The following PHF24 variants were observed in gnomAD, a reference collection of about 807,000 sequenced individuals.
PHF24 encodes PHD finger protein 24, also known as Galpha inhibitory interacting protein.
A neutral mutation model predicts 42.6 loss-of-function variants in PHF24; 25 were observed. The ratio of observed to expected loss-of-function variants is 0.59; its 90% CI spans 0.43 to 0.82. The LOEUF (loss-of-function observed/expected upper bound fraction) is 0.82, where lower values mean the gene tolerates loss of function less well. Ranked by LOEUF, PHF24 falls within the 40% of genes least tolerant of loss-of-function variation. The pLI, the probability that PHF24 is intolerant of heterozygous loss-of-function variation, is 0.00. For synonymous variants in PHF24, 185 were observed against 204.8 expected (o/e 0.90, Z 0.83); for missense variants, 470 against 538.1 (o/e 0.87, Z 1.25).
At chr9:34,743,727 C>G in the PHF24 span, among the ~76,000 whole-genome samples, 1 of 152,278 alleles carries the variant, frequency 6.6e-6, no homozygotes, top group East Asian at 1.9e-4. Context: ...CCATTTTCTC[C>G]TTTTGGAGAT....
At chr9:34,751,768 A>G in the PHF24 span, among the ~76,000 whole-genome samples, 2 of 152,228 alleles carry the variant, frequency 1.3e-5, no homozygotes, top group African/African-American at 2.4e-5. Context: ...TCCTCAGCAC[A>G]TGGATCATTC....
At chr9:34,895,254 T>C in the PHF24 span, among the ~76,000 whole-genome samples, 1 of 152,178 alleles carries the variant, frequency 6.6e-6, no homozygotes, top group Non-Finnish European at 1.5e-5. Flanking sequence ...TCTTATTTGC[T>C]TATTTCTGAC....
At chr9:34,810,091 C>T in the PHF24 span, among the ~76,000 whole-genome samples, 2 of 151,958 alleles carry the variant, frequency 1.3e-5, no homozygotes, top group African/African-American at 4.8e-5. Context: ...GCCCAGCAAG[C>T]CGGCCCTCGA....
chr9:34,680,707 T>TA, the PHF24 span, among the ~76,000 whole-genome samples: 1,774 of 60,090 alleles, frequency 0.03, 29 homozygotes, highest in South Asian at 0.17. Context: ...AATAAATAAA[T>TA]AAAAAAAAAA....
At chr9:34,821,798 T>C in the PHF24 span, among the ~76,000 whole-genome samples, 2 of 152,150 alleles carry the variant, frequency 1.3e-5, no homozygotes, top group Non-Finnish European at 2.9e-5. Flanking sequence ...TATATCCACC[T>C]TTACTCCTGA....
the PHF24 span, among the ~76,000 whole-genome samples, chr9:34,933,823 G>A: frequency 7.7e-4 from 116 of 151,604 alleles, no homozygotes; most frequent in Non-Finnish European, 1.3e-3. Flanking sequence ...ACCCAGGCTG[G>A]AGTGCAGTGG....
the PHF24 span, among the ~76,000 whole-genome samples, chr9:34,697,096 T>C: frequency 6.6e-6 from 1 of 152,216 alleles, no homozygotes. Context: ...TAATATTAGC[T>C]GAGCACCTGG....
Position 34,976,807 on chromosome 9 carries a change from C to T in PHF24, c.849+67C>T, listed in dbSNP as rs2297648. On this transcript the variant is annotated intron_variant, in intron 5 of 7. Transcript: ENST00000242315. ...ACAAGGGCCTGGGAGGCACGCTGGG[C>T]AGATTGGGGGAGCACTGGGTCCTGC... 8,853 of 1,406,746 alleles carry T rather than the reference C, an allele frequency of 6.3e-3. 486 individuals are homozygous for T. The East Asian group carries it at 0.14, about 23-fold the overall frequency. The allele number at this position is 1,406,746 out of a possible 1,614,324, so 87.1% of individuals were successfully genotyped here.
the PHF24 span, among the ~76,000 whole-genome samples, chr9:34,842,166 T>C: frequency 6.6e-6 from 1 of 152,242 alleles, no homozygotes; most frequent in East Asian, 1.9e-4. Context: ...ATATTATTAG[T>C]TCATTCCTTT....
At chr9:34,876,293 A>G in the PHF24 span, among the ~76,000 whole-genome samples, 5 of 152,228 alleles carry the variant, frequency 3.3e-5, no homozygotes, top group South Asian at 6.2e-4. Context: ...TGGTATATCC[A>G]TGCAATGGAA....
At chr9:34,915,748 C>T in the PHF24 span, among the ~76,000 whole-genome samples, 1 of 152,126 alleles carries the variant, frequency 6.6e-6, no homozygotes, top group African/African-American at 2.4e-5. Context: ...GTGATTTGTG[C>T]AGAAAGGAGC....
chr9:34,667,386 A>G, the PHF24 span, among the ~76,000 whole-genome samples: 1 of 152,188 alleles, frequency 6.6e-6, no homozygotes, highest in Non-Finnish European at 1.5e-5. Context: ...AGAGAGATCC[A>G]TGGGTGCTAG....
the PHF24 span, among the ~76,000 whole-genome samples, chr9:34,849,304 A>G: frequency 6.6e-6 from 1 of 152,070 alleles, no homozygotes; most frequent in African/African-American, 2.4e-5. Flanking sequence ...GTGCCTATAT[A>G]TTTAGGATAG....
the PHF24 span, chr9:34,833,911 G>A: frequency 6.5e-7 from 1 of 1,539,802 alleles, no homozygotes; most frequent in Non-Finnish European, 8.8e-7. Flanking sequence ...CCAGGGCCCT[G>A]GGGAGCGCCA....
chr9:34,958,252 G>GCCGCCT (rs1554657783), upstream of PHF24: 1 of 150,646 alleles, frequency 6.6e-6, no homozygotes, highest in Non-Finnish European at 1.4e-5. This position sits in a 1 kb window ranked among gnomAD's most constrained non-coding sequence, Gnocchi z 4.5. Flanking sequence ...CGCCGCCGCC[G>GCCGCCT]CCGCCTCCTC....
At chr9:34,728,094 G>C in the PHF24 span, 2 of 1,551,570 alleles carry the variant, frequency 1.3e-6, no homozygotes, top group African/African-American at 2.7e-5. Context: ...TGAGGAACGG[G>C]GAGACAGTGT....
the PHF24 span, among the ~76,000 whole-genome samples, chr9:34,851,123 C>T: frequency 1.1e-4 from 17 of 152,100 alleles, no homozygotes; most frequent in East Asian, 2.7e-3. Context: ...CCACTGCTCT[C>T]TTCAAAGCTG....
At chr9:34,837,754 GTCCA>G in the PHF24 span, 5 of 1,154,082 alleles carry the variant, frequency 4.3e-6, no homozygotes, top group Non-Finnish European at 6.4e-6. Context: ...TCTTTCTCAT[GTCCA>G]AAATGAGACT....
At chr9:34,796,620 G>A in the PHF24 span, among the ~76,000 whole-genome samples, 1 of 152,216 alleles carries the variant, frequency 6.6e-6, no homozygotes, top group Non-Finnish European at 1.5e-5. Context: ...ACAAGATCAT[G>A]CACCATTTGG....
Sources: gnomAD v4.1 joint callset for allele counts (sites outside exome capture counted in the v4.1 genomes callset) on GRCh38, gnomAD v4.1.1 for gene constraint, Gnocchi (gnomAD v3.1) non-coding constraint, MANE v1.5 for transcripts, NCBI Gene and HGNC (gene_info 2026-07-23, HGNC 2026-07-21) for gene names.